CNOT6: variants seen among roughly 807,000 people sequenced by gnomAD.
CNOT6 encodes CCR4-NOT transcription complex subunit 6, also known as carbon catabolite repression 4 protein.
Under a neutral mutation model 61.2 loss-of-function variants are expected in CNOT6, and 12 were observed. The ratio of observed to expected loss-of-function variants is 0.20; its 90% CI spans 0.13 to 0.32. CNOT6 has a LOEUF of 0.32. Among genes scored for constraint, CNOT6 ranks in the 10% least tolerant of loss-of-function variants. The pLI is 1.00. For missense variants in CNOT6, 405 were observed against 663.9 expected (o/e 0.61, Z 4.28); for synonymous variants, 225 against 240.6 (o/e 0.94, Z 0.60).
At chr5:180,573,126 G>A (rs897442302) in intron 11 of CNOT6, among the ~76,000 whole-genome samples, 7 of 152,156 alleles carry the variant, frequency 4.6e-5, no homozygotes, top group African/African-American at 9.7e-5. Flanking sequence ...AATGCTTAGC[G>A]TTTTCTTTCT....
Position 180,564,592 on chromosome 5 carries a change from A to G in CNOT6, c.489A>G (p.Arg163=). ...ATAATTTGTCAGGTACTGCAAAAAG[A>G]AGTAAGTGGTTATTTGTTTAAACCT... is the stretch of plus-strand genomic sequence containing the variant. The part of the protein sequence containing the change: ...LLDNLSGTAK[R]ITTEQPPPRS... Residue 163 remains arginine (R), a splice_region_variant and synonymous_variant, in exon 5 of 12, where the codon AGA becomes AGG. Transcript: ENST00000261951. The G allele has an allele frequency of 6.2e-7, 1 of 1,612,828 alleles. No homozygotes were observed. The highest frequency in any genetic ancestry group is 2.2e-5 in the East Asian group (1 of 44,852).
chr5:180,516,732 A>G (rs1757654305), intron 1 of CNOT6, among the ~76,000 whole-genome samples: 1 of 152,234 alleles, frequency 6.6e-6, no homozygotes, highest in Non-Finnish European at 1.5e-5. Context: ...TTGTGGATCC[A>G]ACATAGGGAT....
At chr5:180,501,560 C>T (rs1756870545) in intron 1 of CNOT6, among the ~76,000 whole-genome samples, 1 of 152,178 alleles carries the variant, frequency 6.6e-6, no homozygotes, top group African/African-American at 2.4e-5. Flanking sequence ...GGGGATTACT[C>T]AGGAAGAGTG....
Position 180,574,296 on chromosome 5 carries a change from C to CT in CNOT6, c.*98dup. 1 of 1,008,136 alleles carries CT rather than the reference C, an allele frequency of 9.9e-7. No individual in the cohort carries two copies. The highest frequency in any genetic ancestry group is 1.5e-6 in the Non-Finnish European group (1 of 649,170). 62.4% of individuals were successfully genotyped at this position (1,008,136 alleles called of 1,614,324 possible). On this transcript the variant is annotated 3_prime_UTR_variant, in exon 12 of 12. Transcript: ENST00000261951. ...TATGGCCACTGAGGATTTTTGCTTG[C>CT]TTAAGAATGATTTGGACTTTCAATC...
chr5:180,494,995 G>A (rs544766532), intron 1 of CNOT6, among the ~76,000 whole-genome samples: 1 of 152,018 alleles, frequency 6.6e-6, no homozygotes, highest in Non-Finnish European at 1.5e-5. Context: ...TTGATTGACG[G>A]CGGCGGCGGC....
At chr5:180,502,404 C>G (rs1652941071) in intron 1 of CNOT6, among the ~76,000 whole-genome samples, 1 of 152,154 alleles carries the variant, frequency 6.6e-6, no homozygotes, top group African/African-American at 2.4e-5. Flanking sequence ...TAGAGATTAT[C>G]TGATGTAAAC....
intron 1 of CNOT6, among the ~76,000 whole-genome samples, chr5:180,525,782 GAA>G (rs1758071746): frequency 1.3e-5 from 2 of 152,072 alleles, no homozygotes; most frequent in Admixed American, 1.3e-4. Flanking sequence ...GGAAAACCAA[GAA>G]AACCGATATC....
In CNOT6 at chr5:180,508,973, C is replaced by T. The variant is rs1275675235; in HGVS notation, c.-3+14210C>T. 5.3e-5 allele frequency among the ~76,000 whole-genome samples: 8 copies of T among 151,908 alleles called. No homozygotes were observed. The East Asian group carries it at 1.5e-3, about 29-fold the overall frequency. On this transcript the variant is annotated intron_variant, in intron 1 of 11. Transcript: ENST00000261951. ...GAGTAGCTGAGACTATAGGCAAGTACCACCATGCTCAGCTAATTTTTGTAT... is the reference window on the plus strand; with the variant it reads ...GAGTAGCTGAGACTATAGGCAAGTATCACCATGCTCAGCTAATTTTTGTAT...
intron 1 of CNOT6, among the ~76,000 whole-genome samples, chr5:180,499,479 G>A (rs10070564): frequency 0.011 from 1,629 of 152,262 alleles, 29 homozygotes; most frequent in African/African-American, 0.037. Flanking sequence ...TATTGGAATT[G>A]GAATAGTGAG....
At position 180,571,173 on chromosome 5, in the gene CNOT6, C is replaced by T. The variant is rs947761290; in HGVS notation, c.1259-57C>T. On this transcript the variant is annotated intron_variant, in intron 10 of 11. Coordinates refer to ENST00000261951, the MANE Select transcript of CNOT6 (RefSeq NM_001370472.1). ...TTAAAACTTCTTACTATTGCATGAT[C>T]TTTTAAAATTACTTTTTGTATATAT... 32 of 1,229,312 alleles carry T rather than the reference C, an allele frequency of 2.6e-5. No individual in the cohort carries two copies. In the Admixed American group the frequency reaches 5.7e-4, roughly 22 times the overall value. 76.2% of individuals were successfully genotyped at this position (1,229,312 alleles called of 1,614,324 possible).
At chr5:180,572,108 C>T (rs1044715124) in intron 11 of CNOT6, among the ~76,000 whole-genome samples, 1 of 152,136 alleles carries the variant, frequency 6.6e-6, no homozygotes, top group Non-Finnish European at 1.5e-5. Context: ...TGTTCCTTCT[C>T]TTACATTTTA....
At position 180,573,595 on chromosome 5, in the gene CNOT6, G is replaced by C. The variant is rs778613557; in HGVS notation, c.1462-393G>C. 7.8e-4 allele frequency among the ~76,000 whole-genome samples: 14 copies of C among 18,014 alleles called. No homozygotes were observed. In the South Asian group the frequency reaches 0.023, roughly 29 times the overall value. The allele number at this position is 18,014 out of a possible 152,430, so 11.8% of individuals were successfully genotyped here. On this transcript the variant is annotated intron_variant, in intron 11 of 11. Transcript: ENST00000261951. Reference sequence around the variant, plus strand: ...TGTGTGTGTGTGTGTGTGTGTGTGTGTGTGTGTCCGTCCGTCCGTCCGTCC... The same window carrying C: ...TGTGTGTGTGTGTGTGTGTGTGTGTCTGTGTGTCCGTCCGTCCGTCCGTCC...
chr5:180,547,516 T>TG (rs1357346539), intron 2 of CNOT6, among the ~76,000 whole-genome samples: 2 of 151,674 alleles, frequency 1.3e-5, no homozygotes, highest in South Asian at 2.1e-4. Flanking sequence ...CGAGACTCCA[T>TG]GAAAAAAAAG....
chr5:180,551,570 A>G (rs1443984976), intron 3 of CNOT6, among the ~76,000 whole-genome samples: 1 of 152,152 alleles, frequency 6.6e-6, no homozygotes, highest in African/African-American at 2.4e-5. Flanking sequence ...CTTCTGTTTT[A>G]TAAGGTAGAT....
Position 180,531,386 on chromosome 5 carries a change from G to A in CNOT6, c.112+1998G>A, listed in dbSNP as rs1217791401. ...CAGAGGCGCTCCTCACATCCCACAC[G>A]GGGCGGCGGGGCAGAGGCGCTCCCC... On this transcript the variant is annotated intron_variant, in intron 2 of 11. Coordinates refer to ENST00000261951, the MANE Select transcript of CNOT6 (RefSeq NM_001370472.1). 5.3e-5 allele frequency among the ~76,000 whole-genome samples: 8 copies of A among 151,722 alleles called. No homozygotes were observed. In the East Asian group the frequency reaches 1.2e-3, roughly 22 times the overall value.
At chr5:180,531,651 T>C (rs1273956052) in intron 2 of CNOT6, among the ~76,000 whole-genome samples, 2 of 152,086 alleles carry the variant, frequency 1.3e-5, no homozygotes, top group Non-Finnish European at 2.9e-5. Context: ...AGGTGGAGGT[T>C]GTAGCGAGCC....
intron 6 of CNOT6, among the ~76,000 whole-genome samples, 195 bp downstream of exon 6, chr5:180,564,938 T>C (rs1022530806): frequency 6.6e-6 from 1 of 152,260 alleles, no homozygotes; most frequent in Non-Finnish European, 1.5e-5. Flanking sequence ...GAAAGTGTGC[T>C]ATAAAGCAGT....
chr5:180,572,562 A>G (rs748831269), intron 11 of CNOT6, among the ~76,000 whole-genome samples: 21 of 151,802 alleles, frequency 1.4e-4, no homozygotes, highest in Non-Finnish European at 2.7e-4. Context: ...TCCTTTTTCT[A>G]AAAAGAGATA....
At chr5:180,544,697 C>T (rs866649519) in intron 2 of CNOT6, among the ~76,000 whole-genome samples, 21 of 152,270 alleles carry the variant, frequency 1.4e-4, no homozygotes, top group African/African-American at 3.1e-4. Context: ...GAAAATGAAC[C>T]GCCATAAATC....
Sources: gnomAD v4.1 joint callset for allele counts (sites outside exome capture counted in the v4.1 genomes callset) on GRCh38, gnomAD v4.1.1 for gene constraint, MANE v1.5 for transcripts, NCBI Gene and HGNC (gene_info 2026-07-23, HGNC 2026-07-21) for gene names.